The following LHFPL3 variants were observed in gnomAD, a reference collection of about 807,000 sequenced individuals.
LHFPL3 encodes LHFPL tetraspan subfamily member 3 protein.
A neutral mutation model predicts 19.3 loss-of-function variants in LHFPL3; 5 were observed. The ratio of observed to expected loss-of-function variants is 0.26; its 90% CI spans 0.14 to 0.54. The LOEUF (loss-of-function observed/expected upper bound fraction) is 0.54, where lower values mean the gene tolerates loss of function less well. LHFPL3 is among the 20% of genes least tolerant of loss of function. The pLI, the probability that LHFPL3 is intolerant of heterozygous loss-of-function variation, is 0.94. For synonymous variants in LHFPL3, 133 were observed against 126.2 expected, an observed-to-expected ratio of 1.05 and a Z score of -0.36; for missense variants, 249 against 307.4, an observed-to-expected ratio of 0.81 and a Z score of 1.42.
At chr7:104,468,721 C>T (rs113920304) in intron 1 of LHFPL3, among the ~76,000 whole-genome samples, 7 of 147,386 alleles carry the variant, frequency 4.7e-5, no homozygotes, top group African/African-American at 1.5e-4. Flanking sequence ...TGCAGTGGTG[C>T]GATCTCGGCT....
rs1792611031 is a variant in LHFPL3 at position 104,906,232 on chromosome 7, A to G, written c.*17A>G. 6.2e-7 allele frequency: 1 copy of G among 1,604,898 alleles called. No homozygotes were observed. The highest frequency in any genetic ancestry group is 2.2e-5 in the East Asian group (1 of 44,568). ...CTAGAATGAGCACAAAACAAATCGA[A>G]TAACAGCTAAACAAATCGAATAACA... On this transcript the variant is annotated 3_prime_UTR_variant, in exon 3 of 3. Transcript: ENST00000424859.
chr7:104,493,820 T>C (rs879177817), intron 1 of LHFPL3, among the ~76,000 whole-genome samples: 2 of 152,160 alleles, frequency 1.3e-5, no homozygotes, highest in African/African-American at 2.4e-5. Flanking sequence ...GGTCTCTTAC[T>C]TCTCTGTACC....
At position 104,815,233 on chromosome 7, in the gene LHFPL3, G is replaced by T. The variant is rs115902816; in HGVS notation, c.682+78322G>T. Reference sequence around the variant, plus strand: ...CCAGCTCTTGCTGGCTCCATGGAGCGAACAGCCCCCACCCCGCCTCCCTGC... The same window carrying T: ...CCAGCTCTTGCTGGCTCCATGGAGCTAACAGCCCCCACCCCGCCTCCCTGC... On this transcript the variant is annotated intron_variant, in intron 2 of 2. Coordinates refer to ENST00000424859, the MANE Select transcript of LHFPL3 (RefSeq NM_199000.3). Among the ~76,000 whole-genome samples the T allele has an allele frequency of 2.6e-5, 4 of 152,220 alleles. No homozygotes were observed. In the South Asian group the frequency reaches 8.3e-4, roughly 32 times the overall value.
intron 2 of LHFPL3, among the ~76,000 whole-genome samples, chr7:104,809,578 C>G (rs1462626595): frequency 1.3e-5 from 2 of 152,208 alleles, no homozygotes; most frequent in African/African-American, 4.8e-5. Flanking sequence ...CTAGCACTCT[C>G]ACAATAACAG....
intron 1 of LHFPL3, among the ~76,000 whole-genome samples, chr7:104,560,563 TTC>T (rs1171163299): frequency 1.3e-5 from 2 of 151,542 alleles, no homozygotes; most frequent in African/African-American, 4.9e-5. Context: ...TATTTGATTC[TTC>T]TCTCTTTTTT....
chr7:104,639,783 G>C (rs182101069), intron 1 of LHFPL3, among the ~76,000 whole-genome samples: 2 of 152,300 alleles, frequency 1.3e-5, no homozygotes, highest in African/African-American at 4.8e-5. Flanking sequence ...CCAGATTCAT[G>C]TGGGTTGATA....
intron 1 of LHFPL3, among the ~76,000 whole-genome samples, chr7:104,713,307 G>C (rs111583516): frequency 0.012 from 1,776 of 152,290 alleles, 32 homozygotes; most frequent in African/African-American, 0.04. Flanking sequence ...CTGTATTAGT[G>C]CATTCTCACA....
intron 1 of LHFPL3, among the ~76,000 whole-genome samples, chr7:104,639,084 G>C (rs1417347324): frequency 6.6e-6 from 1 of 151,928 alleles, no homozygotes; most frequent in African/African-American, 2.4e-5. Context: ...ATATGCTGCT[G>C]GATTTGGTTT....
At chr7:104,395,507 T>A (rs1438062177) in intron 1 of LHFPL3, among the ~76,000 whole-genome samples, 1 of 152,208 alleles carries the variant, frequency 6.6e-6, no homozygotes, top group Non-Finnish European at 1.5e-5. Flanking sequence ...TCTCCCAGAC[T>A]TTCTCCTCCA....
chr7:104,383,149 C>T (rs1790862348), intron 1 of LHFPL3, among the ~76,000 whole-genome samples: 3 of 152,196 alleles, frequency 2.0e-5, no homozygotes, highest in African/African-American at 7.2e-5. Flanking sequence ...TTGTCAGAAT[C>T]GTTAGTCATT....
intron 1 of LHFPL3, among the ~76,000 whole-genome samples, chr7:104,606,058 A>T (rs1230887172): frequency 2.0e-5 from 3 of 152,264 alleles, no homozygotes; most frequent in East Asian, 3.9e-4. Flanking sequence ...ACAGGGTCTC[A>T]TTATGTTGCC....
chr7:104,421,953 T>A (rs563161476), intron 1 of LHFPL3, among the ~76,000 whole-genome samples: 1 of 152,318 alleles, frequency 6.6e-6, no homozygotes, highest in South Asian at 2.1e-4. Flanking sequence ...GCTCTCTATC[T>A]ACTATGGGAA....
chr7:104,827,734 T>C lies in LHFPL3; in HGVS notation c.683-78453T>C, dbSNP rs1248661878. ...TTGTGTCTTTTGTTATGAATTCTTG[T>C]TTTAGTAAAAAAAATCCTTATTACA... On this transcript the variant is annotated intron_variant, in intron 2 of 2. Coordinates refer to ENST00000424859, the MANE Select transcript of LHFPL3 (RefSeq NM_199000.3). 2.0e-5 allele frequency among the ~76,000 whole-genome samples: 3 copies of C among 151,822 alleles called. 1 individual carries two copies. The highest frequency in any genetic ancestry group is 7.3e-5 in the African/African-American group (3 of 41,130).
At chr7:104,553,755 T>A (rs1794705009) in intron 1 of LHFPL3, among the ~76,000 whole-genome samples, 1 of 152,184 alleles carries the variant, frequency 6.6e-6, no homozygotes, top group Admixed American at 6.5e-5. Flanking sequence ...AGTCCCCTCT[T>A]TTGCCATACT....
At position 104,831,870 on chromosome 7, in the gene LHFPL3, T is replaced by C. The variant is rs1790959375; in HGVS notation, c.683-74317T>C. Among the ~76,000 whole-genome samples, 3 of 152,010 alleles carry C rather than the reference T, an allele frequency of 2.0e-5. No individual in the cohort carries two copies. The South Asian group carries it at 6.2e-4, about 31-fold the overall frequency. On this transcript the variant is annotated intron_variant, in intron 2 of 2. Transcript: ENST00000424859. Reference sequence around the variant, plus strand: ...GACTTTGGTTAGTGACTGAAACCTTTTGTTTTATCGGTAAATGGAGGGTTA... The same window carrying C: ...GACTTTGGTTAGTGACTGAAACCTTCTGTTTTATCGGTAAATGGAGGGTTA...
chr7:104,887,295 C>T (rs146501202), intron 2 of LHFPL3, among the ~76,000 whole-genome samples: 1 of 152,268 alleles, frequency 6.6e-6, no homozygotes, highest in Non-Finnish European at 1.5e-5. Flanking sequence ...TAGATAGATG[C>T]TGACACGGGA....
At chr7:104,720,795 C>G (rs1178595137) in intron 1 of LHFPL3, among the ~76,000 whole-genome samples, 1 of 152,228 alleles carries the variant, frequency 6.6e-6, no homozygotes, top group Non-Finnish European at 1.5e-5. Flanking sequence ...AAATGCTCAT[C>G]ATCACTGGTC....
At chr7:104,730,227 C>T (rs76220118) in intron 1 of LHFPL3, among the ~76,000 whole-genome samples, 48,090 of 151,968 alleles carry the variant, frequency 0.32, 8,412 homozygotes, top group East Asian at 0.77. Context: ...GTCTTTATAG[C>T]AGCATGATTT....
intron 1 of LHFPL3, among the ~76,000 whole-genome samples, chr7:104,622,237 G>T (rs1311828429): frequency 6.6e-6 from 1 of 152,068 alleles, no homozygotes; most frequent in African/African-American, 2.4e-5. Context: ...AGCCTCCTGT[G>T]TATCTGGGAC....
Sources: allele counts gnomAD v4.1 joint callset (sites outside exome capture counted in the v4.1 genomes callset), GRCh38; gene constraint gnomAD v4.1.1; transcripts MANE v1.5; gene names NCBI Gene and HGNC (gene_info 2026-07-23, HGNC 2026-07-21).